DOCK5: variants seen among roughly 807,000 people sequenced by gnomAD.
The protein encoded by DOCK5 is dedicator of cytokinesis 5.
Under a neutral mutation model 251.8 loss-of-function variants are expected in DOCK5, and 142 were observed. That is an observed-to-expected ratio of 0.56 (90% confidence interval 0.49 to 0.65). The LOEUF is 0.65. DOCK5 is among the 30% of genes least tolerant of loss of function. The pLI is 0.00. For missense variants in DOCK5, 2,111 were observed against 2,312.3 expected (o/e 0.91, Z 1.79); for synonymous variants, 842 against 835.5 (o/e 1.01, Z -0.13).
chr8:25,304,170 T>A (rs1804840248), intron 10 of DOCK5, 85 bp from the exon 11 acceptor site: 5 of 1,140,230 alleles, frequency 4.4e-6, no homozygotes, highest in Non-Finnish European at 6.1e-6. Context: ...CAGTGTTTGA[T>A]GTTTGCTGAT....
chr8:25,379,572 T>A (rs187041340), intron 38 of DOCK5, among the ~76,000 whole-genome samples: 3 of 152,282 alleles, frequency 2.0e-5, no homozygotes, highest in African/African-American at 7.2e-5. Flanking sequence ...TGTTTTACAA[T>A]CAATTTGTAC....
rs1412686871 is a variant in DOCK5 at position 25,308,782 on chromosome 8, G to T, written c.1050-1G>T. 6.2e-7 allele frequency: 1 copy of T among 1,613,454 alleles called. No individual in the cohort carries two copies. The highest frequency in any genetic ancestry group is 1.7e-5 in the Admixed American group (1 of 60,006). On this transcript the variant is annotated splice_acceptor_variant, in intron 11 of 51. Coordinates refer to ENST00000276440, the MANE Select transcript of DOCK5 (RefSeq NM_024940.8). LOFTEE classifies it high-confidence loss of function. Reference sequence around the variant, plus strand: ...CTTACCTCTTATTTCTCTTTCCCAAGAATTGCGATGGAAACCTACATCCGC... The same window carrying T: ...CTTACCTCTTATTTCTCTTTCCCAATAATTGCGATGGAAACCTACATCCGC...
intron 1 of DOCK5, among the ~76,000 whole-genome samples, chr8:25,228,067 G>C (rs1305243723): frequency 6.6e-6 from 1 of 152,056 alleles, no homozygotes; most frequent in Non-Finnish European, 1.5e-5. Context: ...TGTAGAGATG[G>C]AGTTTTGCCC....
rs1802078152 is a variant in DOCK5, at chr8:25,209,590, G to T, written c.43+24639G>T. Among the ~76,000 whole-genome samples the T allele has an allele frequency of 9.9e-5, 7 of 70,774 alleles. 3 individuals are homozygous for T. The South Asian group carries it at 2.6e-3, about 27-fold the overall frequency. 46.4% of individuals were successfully genotyped at this position (70,774 alleles called of 152,430 possible). On this transcript the variant is annotated intron_variant, in intron 1 of 51. Coordinates refer to ENST00000276440, the MANE Select transcript of DOCK5 (RefSeq NM_024940.8). Reference sequence around the variant, plus strand: ...GCTGTGGATTCTTTCCACAGAAAATGGTGCATATGTCTGTCGATGACATTT... The same window carrying T: ...GCTGTGGATTCTTTCCACAGAAAATTGTGCATATGTCTGTCGATGACATTT...
At chr8:25,321,579 A>G (rs1412751095) in intron 16 of DOCK5, among the ~76,000 whole-genome samples, 1 of 152,156 alleles carries the variant, frequency 6.6e-6, no homozygotes, top group Non-Finnish European at 1.5e-5. Flanking sequence ...TGCACAGGTC[A>G]CAATAGGGTT....
In DOCK5 at chr8:25,203,364, GT is replaced by G. The variant is rs372290910; in HGVS notation, c.43+18417del. 1.6e-3 allele frequency among the ~76,000 whole-genome samples: 243 copies of G among 152,298 alleles called. 1 individual carries two copies. Among genetic ancestry groups the G allele is most frequent in the African/African-American group, 5.5e-3 (228 of 41,566 alleles). On this transcript the variant is annotated intron_variant, in intron 1 of 51. Transcript: ENST00000276440. ...GGAATTAGATTTGCTGCTCAAGATT[GT>G]TTTCAAATTGTTTGATAGCTTCAGG...
intron 1 of DOCK5, among the ~76,000 whole-genome samples, chr8:25,186,450 C>T (rs1801434507): frequency 6.6e-6 from 1 of 151,556 alleles, no homozygotes; most frequent in African/African-American, 2.4e-5. Context: ...TCTCGGCTCA[C>T]TGCAAGCTCC....
In DOCK5 at chr8:25,296,654, GT is replaced by G; in HGVS notation, c.606+8del. On this transcript the variant is annotated splice_region_variant and intron_variant, in intron 7 of 51. Transcript: ENST00000276440. ...AAAAGATCCAAGAAGAGAAGGTACA[GT>G]TCCTCAAATGTGAAATTCTGCCCAC... 1 of 1,612,128 alleles carries G rather than the reference GT, an allele frequency of 6.2e-7. No individual in the cohort carries two copies. Among genetic ancestry groups the G allele is most frequent in the Middle Eastern group, 1.7e-4 (1 of 6,060 alleles).
chr8:25,373,626 TAAAGA>T lies in DOCK5; in HGVS notation c.3700_3704del (p.Lys1234GlufsTer20), dbSNP rs1800913964. The T allele has an allele frequency of 1.9e-6, 3 of 1,595,232 alleles. No individual in the cohort carries two copies. Among genetic ancestry groups the T allele is most frequent in the South Asian group, 1.1e-5 (1 of 87,510 alleles). ...CTTTTTTTTCCTGGCAGAACTTTTA[TAAAGA>T]AAAGAAGAGAGAGGACATATACATA... is the stretch of plus-strand genomic sequence containing the variant. On this transcript the variant is annotated frameshift_variant, in exon 36 of 52. Transcript: ENST00000276440. LOFTEE classifies it high-confidence loss of function.
rs1284255057 is a variant in DOCK5, at chr8:25,352,274, A to AG, written c.2850+450dup. On this transcript the variant is annotated intron_variant, in intron 27 of 51. Transcript: ENST00000276440. ...AGGGAAGGGAGGGAGGGAGGGAGGG[A>AG]GGAAGGAAGGAAGGAAAAAAGGAGA... Among the ~76,000 whole-genome samples the AG allele has an allele frequency of 7.7e-5, 11 of 143,726 alleles. No individual in the cohort carries two copies. The East Asian group carries it at 8.3e-4, about 11-fold the overall frequency. The allele number at this position is 143,726 out of a possible 152,430, so 94.3% of individuals were successfully genotyped here. A position where few individuals can be genotyped will look rare whatever the true frequency, so the allele number is the denominator to read the frequency against.
intron 40 of DOCK5, among the ~76,000 whole-genome samples, chr8:25,383,852 C>T (rs1234572004): frequency 6.6e-6 from 1 of 152,086 alleles, no homozygotes; most frequent in Non-Finnish European, 1.5e-5. Flanking sequence ...GAGACTCCAT[C>T]TCAAAAATAA....
chr8:25,335,082 C>G (rs943747978), intron 21 of DOCK5, among the ~76,000 whole-genome samples: 8 of 152,208 alleles, frequency 5.3e-5, no homozygotes, highest in African/African-American at 1.9e-4. Context: ...ATTGTGTGTG[C>G]CTGCCACACC....
intron 1 of DOCK5, among the ~76,000 whole-genome samples, chr8:25,210,035 A>ATATATAT (rs1802087244): frequency 2.6e-4 from 3 of 11,716 alleles, no homozygotes; most frequent in Admixed American, 1.4e-3. Flanking sequence ...TATATATATA[A>ATATATAT]ATGTGTGTGT....
At chr8:25,215,109 T>G (rs1482895991) in intron 1 of DOCK5, among the ~76,000 whole-genome samples, 1 of 152,150 alleles carries the variant, frequency 6.6e-6, no homozygotes, top group Non-Finnish European at 1.5e-5. Context: ...GACTCCATTT[T>G]GGAGAGGGAG....
At chr8:25,389,319 C>G (rs1801218191) in intron 41 of DOCK5, 87 bp downstream of exon 41, 3 of 1,490,012 alleles carry the variant, frequency 2.0e-6, no homozygotes, top group Non-Finnish European at 2.7e-6. Context: ...AGCTACAGTC[C>G]CTTCTCTGCA....
intron 29 of DOCK5, among the ~76,000 whole-genome samples, chr8:25,364,184 G>A (rs1342101454): frequency 6.6e-6 from 1 of 152,134 alleles, no homozygotes; most frequent in Non-Finnish European, 1.5e-5. Context: ...ATTATTGTAA[G>A]CATTATTATT....
intron 11 of DOCK5, among the ~76,000 whole-genome samples, chr8:25,306,502 C>T (rs771055694): frequency 9.9e-5 from 15 of 151,876 alleles, no homozygotes; most frequent in African/African-American, 1.9e-4. Context: ...GTCAGGAGAT[C>T]GAGACCACGG....
chr8:25,206,022 G>T (rs1801991762), intron 1 of DOCK5, among the ~76,000 whole-genome samples: 1 of 152,146 alleles, frequency 6.6e-6, no homozygotes. Flanking sequence ...TGCAAAAAAA[G>T]TCCAGTTGGG....
At chr8:25,222,151 C>T (rs1356951938) in intron 1 of DOCK5, among the ~76,000 whole-genome samples, 3 of 152,174 alleles carry the variant, frequency 2.0e-5, no homozygotes, top group Non-Finnish European at 4.4e-5. Flanking sequence ...CCACTCTGCA[C>T]TGTTATTAGA....
Sources: allele counts gnomAD v4.1 joint callset (sites outside exome capture counted in the v4.1 genomes callset), GRCh38; gene constraint gnomAD v4.1.1; transcripts MANE v1.5; gene names NCBI Gene and HGNC (gene_info 2026-07-23, HGNC 2026-07-21).